SCTR: variants seen among roughly 807,000 people sequenced by gnomAD.
SCTR encodes secretin receptor.
SCTR carries 56 observed loss-of-function variants against 60.8 expected under a neutral mutation model. That is an observed-to-expected ratio of 0.92 (90% confidence interval 0.74 to 1.15). The LOEUF is 1.15. Ranked by LOEUF, SCTR falls within the 50% of genes most tolerant of loss-of-function variation. The pLI, the probability that SCTR is intolerant of heterozygous loss-of-function variation, is 0.00. For synonymous variants in SCTR, 202 were observed against 217.0 expected, an observed-to-expected ratio of 0.93 and a Z score of 0.61; for missense variants, 562 against 550.4, an observed-to-expected ratio of 1.02 and a Z score of -0.21.
At chr2:119,473,357 G>A in intron 4 of SCTR, 96 bp downstream of exon 4, 6 of 801,362 alleles carry the variant, frequency 7.5e-6, no homozygotes, top group Non-Finnish European at 1.3e-5. Context: ...CCAGGCCTGT[G>A]CCACCCTGTC....
intron 1 of SCTR, among the ~76,000 whole-genome samples, chr2:119,522,169 G>A (rs1483344085): frequency 6.6e-6 from 1 of 152,148 alleles, no homozygotes. Flanking sequence ...GGTGGCACAT[G>A]CCTGTAATCC....
At position 119,524,320 on chromosome 2, in the gene SCTR, T is replaced by TCCGG; in HGVS notation, c.-98_-95dup. 1.2e-6 allele frequency: 1 copy of TCCGG among 829,410 alleles called. No individual in the cohort carries two copies. The highest frequency in any genetic ancestry group is 1.7e-6 in the Non-Finnish European group (1 of 598,666). 51.4% of individuals were successfully genotyped at this position (829,410 alleles called of 1,614,324 possible). A position where few individuals can be genotyped will look rare whatever the true frequency, so the allele number is the denominator to read the frequency against. On this transcript the variant is annotated 5_prime_UTR_variant, in exon 1 of 13. An upstream open reading frame in the 5' UTR loses its in-frame stop. Coordinates refer to ENST00000019103, the MANE Select transcript of SCTR (RefSeq NM_002980.3). ...CAGCGCCCCGCGCAGGGTCCCGGGC[T>TCCGG]CCGGCCGGCCGCTGCGCCCCGAGGA...
chr2:119,512,340 CCCTTCTCCTTCT>C (rs58262510), intron 1 of SCTR, among the ~76,000 whole-genome samples: 2,943 of 54,526 alleles, frequency 0.054, 239 homozygotes, highest in African/African-American at 0.18. Context: ...CTTCCCCTTC[CCCTTCTCCTTCT>C]CCTTCTCCTT....
intron 1 of SCTR, among the ~76,000 whole-genome samples, chr2:119,516,780 T>G (rs1054838793): frequency 1.3e-5 from 2 of 152,058 alleles, no homozygotes; most frequent in African/African-American, 2.4e-5. Flanking sequence ...GCCAACATGG[T>G]GGAACCGCGT....
chr2:119,485,974 A>G (rs1677851980), intron 2 of SCTR: 1 of 151,212 alleles, frequency 6.6e-6, no homozygotes, highest in South Asian at 2.1e-4. Flanking sequence ...AGGTTTCTTC[A>G]ACTTTGCTAA....
chr2:119,512,044 T>C, intron 1 of SCTR, among the ~76,000 whole-genome samples: 1 of 152,240 alleles, frequency 6.6e-6, no homozygotes, highest in East Asian at 1.9e-4. Context: ...TTAGGTATTT[T>C]GAAATTTCTT....
intron 6 of SCTR, 83 bp from the exon 7 acceptor site, chr2:119,462,083 T>C (rs965233715): frequency 9.4e-6 from 13 of 1,384,672 alleles, no homozygotes; most frequent in Non-Finnish European, 1.3e-5. Context: ...AGCAACAGGG[T>C]GTTGTAGGGG....
chr2:119,456,693 A>G (rs1683389810), intron 7 of SCTR, among the ~76,000 whole-genome samples: 1 of 152,172 alleles, frequency 6.6e-6, no homozygotes, highest in Admixed American at 6.5e-5. Flanking sequence ...ATGTCAACCC[A>G]GCACCTCAGA....
intron 7 of SCTR, among the ~76,000 whole-genome samples, chr2:119,454,038 G>A (rs2587693): frequency 0.81 from 122,751 of 152,080 alleles, 50,212 homozygotes; most frequent in East Asian, 0.91. Context: ...GTAAAAGCCC[G>A]TAAGGACAAA....
At chr2:119,503,807 T>C (rs554264664) in intron 1 of SCTR, among the ~76,000 whole-genome samples, 4 of 152,214 alleles carry the variant, frequency 2.6e-5, no homozygotes, top group Non-Finnish European at 4.4e-5. Flanking sequence ...GTTAGTAATA[T>C]TGTATCAACA....
At chr2:119,471,047 G>A (rs1676988018) in intron 4 of SCTR, among the ~76,000 whole-genome samples, 1 of 152,176 alleles carries the variant, frequency 6.6e-6, no homozygotes, top group African/African-American at 2.4e-5. Flanking sequence ...GCCAGCCTAA[G>A]GAAGAAGCCA....
intron 1 of SCTR, among the ~76,000 whole-genome samples, chr2:119,523,006 T>C (rs995139055): frequency 2.0e-5 from 3 of 152,152 alleles, no homozygotes; most frequent in Admixed American, 6.5e-5. Flanking sequence ...ACCAGAAAAA[T>C]GAGCATCTCC....
At chr2:119,468,974 C>T (rs1028377639) in intron 4 of SCTR, among the ~76,000 whole-genome samples, 5 of 152,050 alleles carry the variant, frequency 3.3e-5, no homozygotes, top group Admixed American at 1.3e-4. Context: ...GATTTTGACT[C>T]GGGGTGACTG....
rs72343036 is a variant in SCTR at position 119,477,437 on chromosome 2, T to TTTTGTTTGTTTGTTTG, written c.301+1358_301+1373dup. Among the ~76,000 whole-genome samples, 128 of 151,248 alleles carry TTTTGTTTGTTTGTTTG rather than the reference T, an allele frequency of 8.5e-4. 1 individual carries two copies. The highest frequency in any genetic ancestry group is 3.1e-3 in the African/African-American group (126 of 41,092). ...ATACCTGTTTCCTGTTCTGGACGTTTTTTGTTTGTTTGTTTGTTTGTTTGT... is the reference window on the plus strand; with the variant it reads ...ATACCTGTTTCCTGTTCTGGACGTTTTTTGTTTGTTTGTTTGTTTGTTTGTTTGTTTGTTTGTTTGT... On this transcript the variant is annotated intron_variant, in intron 3 of 12. Coordinates refer to ENST00000019103, the MANE Select transcript of SCTR (RefSeq NM_002980.3).
At chr2:119,472,935 C>T (rs1022427685) in intron 4 of SCTR, among the ~76,000 whole-genome samples, 1 of 152,208 alleles carries the variant, frequency 6.6e-6, no homozygotes, top group Non-Finnish European at 1.5e-5. Context: ...CAAAAGCAAA[C>T]ATTTACTGAG....
intron 3 of SCTR, among the ~76,000 whole-genome samples, chr2:119,477,440 TG>T (rs1553464426): frequency 1.1e-5 from 1 of 93,894 alleles, no homozygotes; most frequent in African/African-American, 3.8e-5. Flanking sequence ...GGACGTTTTT[TG>T]TTTGTTTGTT....
At chr2:119,445,017 C>CA (rs1682872903) in intron 11 of SCTR, among the ~76,000 whole-genome samples, 1 of 144,314 alleles carries the variant, frequency 6.9e-6, no homozygotes. Flanking sequence ...ATGTATAAAA[C>CA]TTTAAAAGAT....
intron 2 of SCTR, chr2:119,484,696 T>G (rs1469835068): frequency 6.6e-6 from 1 of 152,092 alleles, no homozygotes; most frequent in Non-Finnish European, 1.5e-5. Context: ...GTTTTTTGCC[T>G]TTTCTCTCTC....
At chr2:119,503,137 C>T (rs192060951) in intron 1 of SCTR, among the ~76,000 whole-genome samples, 42 of 120,804 alleles carry the variant, frequency 3.5e-4, no homozygotes, top group Admixed American at 2.6e-3. Context: ...CCAGCCTGGG[C>T]GACAAAGCAA....
Sources: allele counts gnomAD v4.1 joint callset (sites outside exome capture counted in the v4.1 genomes callset), GRCh38; gene constraint gnomAD v4.1.1; transcripts MANE v1.5; gene names NCBI Gene and HGNC (gene_info 2026-07-23, HGNC 2026-07-21).